CENPP: variants seen among roughly 807,000 people sequenced by gnomAD.
CENPP encodes centromere protein P.
A neutral mutation model predicts 35.6 loss-of-function variants in CENPP; 24 were observed. The ratio of observed to expected loss-of-function variants is 0.67; its 90% CI spans 0.49 to 0.95. The LOEUF (loss-of-function observed/expected upper bound fraction) is 0.95. Ranked by LOEUF, CENPP falls within the 40% of genes least tolerant of loss-of-function variation. The pLI is 0.00. For synonymous variants in CENPP, 120 were observed against 125.5 expected, an observed-to-expected ratio of 0.96 and a Z score of 0.29; for missense variants, 332 against 345.3, an observed-to-expected ratio of 0.96 and a Z score of 0.31.
intron 5 of CENPP, among the ~76,000 whole-genome samples, chr9:92,567,403 T>TATATATATAGATAGATAGATAGATAG (rs1554688343): frequency 7.2e-6 from 1 of 138,662 alleles, no homozygotes; most frequent in Non-Finnish European, 1.6e-5. Context: ...TATAGATATA[T>TATATATATAGATAGATAGATAGATAG]ATATAAAGTG....
chr9:92,396,800 G>A (rs1284489373), intron 5 of CENPP, among the ~76,000 whole-genome samples: 1 of 151,980 alleles, frequency 6.6e-6, no homozygotes, highest in African/African-American at 2.4e-5. Context: ...AACTCCTGAG[G>A]TCAAGCAGTC....
In CENPP at chr9:92,327,762, G is replaced by A. The variant is rs75311609; in HGVS notation, c.107+1657G>A. On this transcript the variant is annotated intron_variant, in intron 1 of 7. Coordinates refer to ENST00000375587, the MANE Select transcript of CENPP (RefSeq NM_001012267.3). Reference sequence around the variant, plus strand: ...GTTAGCATCTGGTGGTGGATGAACTGCAATTATTTCAATATTGCTTATCTG... The same window carrying A: ...GTTAGCATCTGGTGGTGGATGAACTACAATTATTTCAATATTGCTTATCTG... Among the ~76,000 whole-genome samples the A allele has an allele frequency of 2.2e-3, 328 of 152,286 alleles. 2 individuals carry two copies. Among genetic ancestry groups the A allele is most frequent in the African/African-American group, 7.3e-3 (305 of 41,536 alleles).
chr9:92,495,605 A>G (rs1344727824), intron 5 of CENPP: 1 of 964,904 alleles, frequency 1.0e-6, no homozygotes, highest in African/African-American at 1.8e-5. Flanking sequence ...ATACTGTTTA[A>G]CTTTAAAAAA....
chr9:92,465,243 A>G (rs58682047), intron 5 of CENPP, among the ~76,000 whole-genome samples: 1,563 of 152,318 alleles, frequency 0.01, 31 homozygotes, highest in African/African-American at 0.036. Context: ...ACTGGAATAT[A>G]TGAGAAGTTC....
At position 92,619,740 on chromosome 9, in the gene CENPP, AC is replaced by A; in HGVS notation, c.*6593del. 1 of 630,104 alleles carries A rather than the reference AC, an allele frequency of 1.6e-6. No individual in the cohort carries two copies. The highest frequency in any genetic ancestry group is 1.8e-5 in the South Asian group (1 of 55,998). 39.0% of individuals were successfully genotyped at this position (630,104 alleles called of 1,614,324 possible). On this transcript the variant is annotated 3_prime_UTR_variant, in exon 8 of 8. Transcript: ENST00000375587. ...CGTCAGGAGGTCGCCCTGTGAGAGC[AC>A]CTGGGCCAGCCCTCAGTGCCACGGG...
intron 4 of CENPP, among the ~76,000 whole-genome samples, chr9:92,374,635 T>G (rs1302192674): frequency 6.6e-6 from 1 of 152,230 alleles, no homozygotes; most frequent in Non-Finnish European, 1.5e-5. Context: ...ATATTGTGAT[T>G]GTCACAGATT....
intron 5 of CENPP, among the ~76,000 whole-genome samples, chr9:92,566,734 C>G (rs1415276547): frequency 1.3e-5 from 2 of 152,098 alleles, no homozygotes; most frequent in Admixed American, 1.3e-4. Context: ...TTGTGGGACA[C>G]CATGAAGAGG....
intron 5 of CENPP, among the ~76,000 whole-genome samples, chr9:92,484,835 T>C (rs1846018341): frequency 6.6e-6 from 1 of 152,186 alleles, no homozygotes; most frequent in Non-Finnish European, 1.5e-5. Context: ...TCCTGTAAGA[T>C]TGTGTTTCTA....
At chr9:92,457,712 G>A (rs1844931799) in intron 5 of CENPP, among the ~76,000 whole-genome samples, 1 of 152,066 alleles carries the variant, frequency 6.6e-6, no homozygotes, top group African/African-American at 2.4e-5. Flanking sequence ...ACTCCCGCCA[G>A]GGCCCAGAGC....
At chr9:92,567,389 T>TATATATATATATATAG (rs1564005567) in intron 5 of CENPP, among the ~76,000 whole-genome samples, 8 of 98,042 alleles carry the variant, frequency 8.2e-5, no homozygotes, top group Admixed American at 2.9e-4. Flanking sequence ...TATATATATA[T>TATATATATATATATAG]ATATATAGAT....
chr9:92,591,291 C>T (rs1343531229), intron 5 of CENPP, among the ~76,000 whole-genome samples: 1 of 151,884 alleles, frequency 6.6e-6, no homozygotes, highest in Non-Finnish European at 1.5e-5. Context: ...TGATGGCGGC[C>T]GCCTGTAGTC....
chr9:92,505,557 C>T (rs141184307), intron 5 of CENPP: 83 of 1,602,464 alleles, frequency 5.2e-5, no homozygotes, highest in African/African-American at 1.3e-4. Context: ...GAAGACCCTG[C>T]GGTATAATTC....
intron 4 of CENPP, among the ~76,000 whole-genome samples, chr9:92,378,010 A>G (rs532831080): frequency 6.6e-6 from 1 of 152,268 alleles, no homozygotes; most frequent in Non-Finnish European, 1.5e-5. Context: ...TGGAAAGTTA[A>G]CAGAGCAACC....
intron 5 of CENPP, among the ~76,000 whole-genome samples, chr9:92,521,709 T>C (rs2131240782): frequency 6.6e-6 from 1 of 152,338 alleles, no homozygotes; most frequent in South Asian, 2.1e-4. Flanking sequence ...TTTAGTCTTT[T>C]AAATCTTTAA....
At chr9:92,608,451 T>C (rs1480878245) in intron 5 of CENPP, among the ~76,000 whole-genome samples, 1 of 152,240 alleles carries the variant, frequency 6.6e-6, no homozygotes, top group Non-Finnish European at 1.5e-5. Context: ...TCATCTTTTA[T>C]CCACGTCAAA....
At chr9:92,600,793 C>T (rs1850892944) in intron 5 of CENPP, among the ~76,000 whole-genome samples, 1 of 152,212 alleles carries the variant, frequency 6.6e-6, no homozygotes, top group South Asian at 2.1e-4. Flanking sequence ...CATTTTTTAA[C>T]TCCCTGTGGA....
At chr9:92,586,006 T>C (rs1236354973) in intron 5 of CENPP, among the ~76,000 whole-genome samples, 2 of 152,098 alleles carry the variant, frequency 1.3e-5, no homozygotes, top group Admixed American at 6.5e-5. Context: ...CCCTCATGAG[T>C]TGGAGTAGCT....
At chr9:92,550,580 G>T (rs1336931718) in intron 5 of CENPP, among the ~76,000 whole-genome samples, 6 of 150,872 alleles carry the variant, frequency 4.0e-5, no homozygotes, top group Admixed American at 3.3e-4. Context: ...TTGATTTCCT[G>T]TCCTGCTGTA....
rs1162766562 is a variant in CENPP at position 92,476,831 on chromosome 9, C to T, written c.564+96972C>T. On this transcript the variant is annotated intron_variant, in intron 5 of 7. Transcript: ENST00000375587. The surrounding 1 kb of genome is among the most constrained non-coding windows in gnomAD (Gnocchi z 4.1). ...GGAGCCAGAGCTAGGGCTCATGTGT[C>T]CCAACTCCCTGTTCTGTGCTGCCTT... Among the ~76,000 whole-genome samples, 1 of 152,188 alleles carries T rather than the reference C, an allele frequency of 6.6e-6. No individual in the cohort carries two copies. The highest frequency in any genetic ancestry group is 1.5e-5 in the Non-Finnish European group (1 of 68,040).
Sources: allele counts gnomAD v4.1 joint callset (sites outside exome capture counted in the v4.1 genomes callset), GRCh38; gene constraint gnomAD v4.1.1; non-coding constraint Gnocchi (gnomAD v3.1); transcripts MANE v1.5; gene names NCBI Gene and HGNC (gene_info 2026-07-23, HGNC 2026-07-21).